NBEA: variants seen among roughly 807,000 people sequenced by gnomAD.
The protein encoded by NBEA is lysosomal-trafficking regulator 2.
A neutral mutation model predicts 343.4 loss-of-function variants in NBEA; 44 were observed. That is an observed-to-expected ratio of 0.13 (90% CI 0.10 to 0.16). The LOEUF (loss-of-function observed/expected upper bound fraction) is 0.16, where lower values mean the gene tolerates loss of function less well. NBEA is among the 10% of genes least tolerant of loss of function. The probability of loss-of-function intolerance (pLI) is 1.00; values close to 1 mark genes in which losing one functional copy is unlikely to be tolerated. For synonymous variants in NBEA, 1,175 were observed against 1,238.7 expected, an observed-to-expected ratio of 0.95 and a Z score of 1.08; for missense variants, 2,555 against 3,631.3, an observed-to-expected ratio of 0.70 and a Z score of 7.62.
chr13:35,660,711 C>T (rs2085051240), intron 55 of NBEA, among the ~76,000 whole-genome samples: 2 of 152,188 alleles, frequency 1.3e-5, no homozygotes, highest in South Asian at 4.1e-4. Context: ...TGGTGCCCAG[C>T]TCCACAACTG....
intron 34 of NBEA, among the ~76,000 whole-genome samples, chr13:35,275,504 G>A (rs2034516126): frequency 6.6e-6 from 1 of 152,090 alleles, no homozygotes; most frequent in South Asian, 2.1e-4. Flanking sequence ...ATAGACAAAT[G>A]GGATCTAATT....
Position 35,173,610 on chromosome 13 carries a change from T to G in NBEA, c.4554+16T>G. 1 of 1,590,340 alleles carries G rather than the reference T, an allele frequency of 6.3e-7. No homozygotes were observed. The highest frequency in any genetic ancestry group is 8.5e-7 in the Non-Finnish European group (1 of 1,169,854). On this transcript the variant is annotated intron_variant, in intron 27 of 58. Coordinates refer to ENST00000379939, the MANE Select transcript of NBEA (RefSeq NM_001385012.1). ...AGCTTCGAAGGTAAGTAAACTTTTT[T>G]TCTTGGCCAAATATAATTTACCTGA...
chr13:35,312,560 T>A (rs546774050), intron 36 of NBEA, among the ~76,000 whole-genome samples: 42 of 152,190 alleles, frequency 2.8e-4, no homozygotes, highest in African/African-American at 1.0e-3. Flanking sequence ...TAACTGAAAA[T>A]GTTTAGGTGT....
Position 35,058,833 on chromosome 13 carries a change from T to G in NBEA, c.1209T>G (p.Phe403Leu). ...AAGCACTCAACCCAGCACAGATATTTGCAATTCATCAGTTAGGACCTGGAT... is the reference window on the plus strand; with the variant it reads ...AAGCACTCAACCCAGCACAGATATTGGCAATTCATCAGTTAGGACCTGGAT... ...FSEALNPAQIFAIHQLGPGYK... is the reference protein window; with the variant it reads ...FSEALNPAQILAIHQLGPGYK... Residue 403 changes from phenylalanine to leucine, a missense_variant, in exon 8 of 59, where the codon TTT (phenylalanine) becomes TTG (leucine). This residue lies in a region of NBEA where 75 missense variants were observed against 237.4 expected (regional missense o/e 0.32). Transcript: ENST00000379939. 1 of 1,607,218 alleles carries G rather than the reference T, an allele frequency of 6.2e-7. No homozygotes were observed. Among genetic ancestry groups the G allele is most frequent in the Non-Finnish European group, 8.5e-7 (1 of 1,176,554 alleles).
intron 58 of NBEA, among the ~76,000 whole-genome samples, chr13:35,669,662 TTG>T (rs1357439172): frequency 6.6e-6 from 1 of 152,226 alleles, no homozygotes; most frequent in African/African-American, 2.4e-5. Context: ...TTGAAATGAT[TTG>T]TGTTTGTAAG....
intron 45 of NBEA, among the ~76,000 whole-genome samples, chr13:35,568,140 T>C (rs2080223577): frequency 6.6e-6 from 1 of 152,226 alleles, no homozygotes; most frequent in South Asian, 2.1e-4. Flanking sequence ...TTAAGTATTA[T>C]TGTTACACAT....
At chr13:34,948,070 G>C (rs77785549) in intron 1 of NBEA, among the ~76,000 whole-genome samples, 1 of 152,186 alleles carries the variant, frequency 6.6e-6, no homozygotes, top group Non-Finnish European at 1.5e-5. Context: ...GCATTGAAGA[G>C]AAATTGTAGA....
chr13:35,404,773 AAG>A (rs543312542), intron 38 of NBEA, among the ~76,000 whole-genome samples: 206 of 152,262 alleles, frequency 1.4e-3, no homozygotes, highest in African/African-American at 4.9e-3. Context: ...ATTTAAAAAA[AAG>A]AACAATACAA....
rs73485802 is a variant in NBEA, at chr13:34,997,274, T to A, written c.295-43659T>A. On this transcript the variant is annotated intron_variant, in intron 1 of 58. Coordinates refer to ENST00000379939, the MANE Select transcript of NBEA (RefSeq NM_001385012.1). Reference sequence around the variant, plus strand: ...GATATGTGATACTTTTTGAAATATTTAAAGTAGTTTAAACAGTATCCATTT... The same window carrying A: ...GATATGTGATACTTTTTGAAATATTAAAAGTAGTTTAAACAGTATCCATTT... 6.4e-3 allele frequency among the ~76,000 whole-genome samples: 970 copies of A among 152,318 alleles called. 11 individuals are homozygous for A. Among genetic ancestry groups the A allele is most frequent in the African/African-American group, 0.022 (929 of 41,578 alleles).
At chr13:35,255,549 G>C (rs557066009) in intron 34 of NBEA, among the ~76,000 whole-genome samples, 1 of 152,246 alleles carries the variant, frequency 6.6e-6, no homozygotes, top group Non-Finnish European at 1.5e-5. Context: ...TGGCACAGGC[G>C]CTAGCTTCAT....
chr13:35,281,774 G>A (rs1354627681), intron 34 of NBEA, among the ~76,000 whole-genome samples: 1 of 151,962 alleles, frequency 6.6e-6, no homozygotes, highest in Non-Finnish European at 1.5e-5. Flanking sequence ...TTAAATTTGT[G>A]AACTTGTAAT....
intron 45 of NBEA, among the ~76,000 whole-genome samples, chr13:35,577,461 G>A (rs1242470657): frequency 6.6e-6 from 1 of 152,070 alleles, no homozygotes; most frequent in South Asian, 2.1e-4. Flanking sequence ...TTATTATTCT[G>A]TGAATTGCCT....
At chr13:35,587,244 GA>G (rs1433251659) in intron 46 of NBEA, among the ~76,000 whole-genome samples, 1 of 152,150 alleles carries the variant, frequency 6.6e-6, no homozygotes, top group East Asian at 1.9e-4. Flanking sequence ...TGGAAGCTAA[GA>G]AAAGATGTAC....
chr13:35,075,298 A>T (rs2064064723), intron 10 of NBEA, among the ~76,000 whole-genome samples: 1 of 152,130 alleles, frequency 6.6e-6, no homozygotes, highest in Non-Finnish European at 1.5e-5. Flanking sequence ...TGTACATAGC[A>T]TCTGGCATTT....
At chr13:35,585,367 C>G (rs2081251689) in intron 46 of NBEA, among the ~76,000 whole-genome samples, 1 of 151,790 alleles carries the variant, frequency 6.6e-6, no homozygotes, top group South Asian at 2.1e-4. Flanking sequence ...ATAGAGCATC[C>G]CATTTTTTAC....
chr13:35,019,777 T>G (rs2061771980), intron 1 of NBEA, among the ~76,000 whole-genome samples: 1 of 152,188 alleles, frequency 6.6e-6, no homozygotes, highest in Non-Finnish European at 1.5e-5. Context: ...ATATAAGTTG[T>G]CAAATTCATA....
intron 55 of NBEA, among the ~76,000 whole-genome samples, chr13:35,663,320 G>A (rs1023314858): frequency 1.1e-4 from 16 of 152,072 alleles, no homozygotes. Flanking sequence ...TATTTCCTCT[G>A]TGAGATCAAT....
At chr13:35,014,802 G>A (rs1290088263) in intron 1 of NBEA, among the ~76,000 whole-genome samples, 1 of 152,088 alleles carries the variant, frequency 6.6e-6, no homozygotes, top group Non-Finnish European at 1.5e-5. Flanking sequence ...ACTGGGCTCA[G>A]TGAGGTTGCC....
chr13:35,524,756 T>C (rs1045361450), intron 41 of NBEA, among the ~76,000 whole-genome samples: 3 of 152,216 alleles, frequency 2.0e-5, no homozygotes, highest in Admixed American at 6.5e-5. Flanking sequence ...TTATGTATCA[T>C]AGAAAAGTAA....
Sources: allele counts gnomAD v4.1 joint callset (sites outside exome capture counted in the v4.1 genomes callset), GRCh38; gene constraint gnomAD v4.1.1; regional missense constraint gnomAD v4.1.1; transcripts MANE v1.5; gene names NCBI Gene and HGNC (gene_info 2026-07-23, HGNC 2026-07-21).